The following SRRM4 variants were observed in gnomAD, a reference collection of about 807,000 sequenced individuals.
SRRM4 encodes serine/arginine repetitive matrix 4, also known as serine/arginine repetitive matrix protein 4.
SRRM4 carries 33 observed loss-of-function variants against 68.9 expected under a neutral mutation model. The ratio of observed to expected loss-of-function variants is 0.48; its 90% CI spans 0.36 to 0.64. The LOEUF is 0.64. SRRM4 is among the 30% of genes least tolerant of loss of function. The pLI is 0.00. For missense variants in SRRM4, 817 were observed against 827.1 expected (o/e 0.99, Z 0.15); for synonymous variants, 318 against 318.8 (o/e 1.00, Z 0.03).
chr12:118,992,581 G>T lies in SRRM4; in HGVS notation c.131+10568G>T, dbSNP rs150221638. 1.9e-3 allele frequency among the ~76,000 whole-genome samples: 292 copies of T among 152,348 alleles called. 2 individuals carry two copies. Among genetic ancestry groups the T allele is most frequent in the African/African-American group, 6.8e-3 (283 of 41,574 alleles). ...CCCAACCCACATCCGGAAGGGGCAG[G>T]TATCTGAGCAGTGGTGCAGGATTTA... On this transcript the variant is annotated intron_variant, in intron 1 of 12. Transcript: ENST00000267260.
intron 1 of SRRM4, among the ~76,000 whole-genome samples, chr12:118,998,709 T>C (rs572256786): frequency 6.6e-6 from 1 of 152,346 alleles, no homozygotes; most frequent in East Asian, 1.9e-4. Context: ...GCTATGATAA[T>C]TACTGTGAAA....
intron 1 of SRRM4, among the ~76,000 whole-genome samples, chr12:118,995,799 C>T (rs376622505): frequency 9.2e-5 from 14 of 152,222 alleles, no homozygotes; most frequent in South Asian, 4.1e-4. Flanking sequence ...TCCACCCATC[C>T]GTTTATCATG....
At position 119,007,733 on chromosome 12, in the gene SRRM4, C is replaced by T. The variant is rs552782765; in HGVS notation, c.131+25720C>T. 1.4e-4 allele frequency among the ~76,000 whole-genome samples: 22 copies of T among 152,274 alleles called. No homozygotes were observed. In the South Asian group the frequency reaches 3.9e-3, roughly 27 times the overall value. ...AATTTTGGTCTTGGGACTTGAAATA[C>T]GGTTCTCTTTTTTGGTTAGAGGGAG... On this transcript the variant is annotated intron_variant, in intron 1 of 12. Transcript: ENST00000267260.
In SRRM4 at chr12:119,145,700, C is replaced by G. The variant is rs1954397892; in HGVS notation, c.1076+15C>G. On this transcript the variant is annotated intron_variant, in intron 9 of 12. Coordinates refer to ENST00000267260, the MANE Select transcript of SRRM4 (RefSeq NM_194286.4). ...AGAGAGTCAAGGTCAGTGCACCACACAGGGTCGGGGGTAGACGGTCTCCCA... is the reference window on the plus strand; with the variant it reads ...AGAGAGTCAAGGTCAGTGCACCACAGAGGGTCGGGGGTAGACGGTCTCCCA... 1 of 1,501,378 alleles carries G rather than the reference C, an allele frequency of 6.7e-7. No individual in the cohort carries two copies. Among genetic ancestry groups the G allele is most frequent in the South Asian group, 1.4e-5 (1 of 72,760 alleles). The allele number at this position is 1,501,378 out of a possible 1,614,324, so 93.0% of individuals were successfully genotyped here.
intron 1 of SRRM4, among the ~76,000 whole-genome samples, chr12:118,993,539 G>C (rs1394417841): frequency 6.6e-6 from 1 of 152,172 alleles, no homozygotes; most frequent in Non-Finnish European, 1.5e-5. Flanking sequence ...TTATGGCAGG[G>C]ACCAGACTGA....
At chr12:119,059,754 G>A (rs2136020828) in intron 1 of SRRM4, among the ~76,000 whole-genome samples, 1 of 152,242 alleles carries the variant, frequency 6.6e-6, no homozygotes, top group South Asian at 2.1e-4. Flanking sequence ...TGCTACCCTG[G>A]CTCTTGACTA....
chr12:119,087,660 G>A (rs1953987651), intron 1 of SRRM4, among the ~76,000 whole-genome samples: 1 of 152,136 alleles, frequency 6.6e-6, no homozygotes, highest in Non-Finnish European at 1.5e-5. Flanking sequence ...CAGCAGCCTG[G>A]GAACTGGGCA....
At chr12:119,035,800 ACT>A (rs1454558650) in intron 1 of SRRM4, among the ~76,000 whole-genome samples, 2 of 151,840 alleles carry the variant, frequency 1.3e-5, no homozygotes. Flanking sequence ...GCTTGCAGTA[ACT>A]CTATATTGTT....
chr12:119,059,532 T>C (rs1443828951), intron 1 of SRRM4, among the ~76,000 whole-genome samples: 1 of 152,186 alleles, frequency 6.6e-6, no homozygotes, highest in Non-Finnish European at 1.5e-5. Flanking sequence ...CCCCACTATG[T>C]GCCAAGAGTG....
chr12:119,058,874 G>A (rs1028236708), intron 1 of SRRM4, among the ~76,000 whole-genome samples: 1 of 152,126 alleles, frequency 6.6e-6, no homozygotes, highest in Non-Finnish European at 1.5e-5. Context: ...AGCTATATTT[G>A]GTGTCTTCCA....
chr12:119,016,357 C>T (rs1471435250), intron 1 of SRRM4, among the ~76,000 whole-genome samples: 1 of 151,742 alleles, frequency 6.6e-6, no homozygotes, highest in African/African-American at 2.4e-5. Context: ...CATTCAGTAA[C>T]CACCTTTCAC....
At chr12:119,012,626 C>T (rs1046745298) in intron 1 of SRRM4, among the ~76,000 whole-genome samples, 62 of 152,264 alleles carry the variant, frequency 4.1e-4, no homozygotes, top group African/African-American at 1.4e-3. Context: ...CACTGAGTCC[C>T]GCTCTCTTTC....
intron 8 of SRRM4, among the ~76,000 whole-genome samples, chr12:119,131,653 G>T (rs1954298857): frequency 6.6e-6 from 1 of 152,206 alleles, no homozygotes; most frequent in Non-Finnish European, 1.5e-5. Context: ...TCCTAGCTGT[G>T]TGGCTTTGGG....
intron 1 of SRRM4, among the ~76,000 whole-genome samples, chr12:119,062,325 T>C (rs1021051042): frequency 6.6e-6 from 1 of 152,226 alleles, no homozygotes; most frequent in Non-Finnish European, 1.5e-5. Flanking sequence ...AGGACATTAC[T>C]GTACACTACT....
intron 8 of SRRM4, among the ~76,000 whole-genome samples, chr12:119,142,233 G>A (rs938232811): frequency 1.1e-4 from 16 of 152,224 alleles, no homozygotes; most frequent in Admixed American, 2.0e-4. Flanking sequence ...TTTTAAACAT[G>A]CAGGAGAGGT....
chr12:119,149,931 G>A (rs191348355), intron 9 of SRRM4, among the ~76,000 whole-genome samples: 2 of 152,252 alleles, frequency 1.3e-5, no homozygotes, highest in African/African-American at 4.8e-5. Flanking sequence ...CCCTAGGCAG[G>A]GTGGGAGTAC....
At chr12:119,058,266 T>A (rs1953789301) in intron 1 of SRRM4, among the ~76,000 whole-genome samples, 1 of 152,224 alleles carries the variant, frequency 6.6e-6, no homozygotes, top group Admixed American at 6.5e-5. Flanking sequence ...TAAGTATTAA[T>A]GAAGTCATTA....
intron 1 of SRRM4, among the ~76,000 whole-genome samples, chr12:119,059,147 A>G (rs984402534): frequency 5.3e-5 from 8 of 152,122 alleles, no homozygotes; most frequent in Non-Finnish European, 1.0e-4. Context: ...GTCTTGGATT[A>G]AGAAATATTG....
chr12:119,054,733 C>T (rs1953766325), intron 1 of SRRM4, among the ~76,000 whole-genome samples: 1 of 152,196 alleles, frequency 6.6e-6, no homozygotes, highest in Non-Finnish European at 1.5e-5. Flanking sequence ...GCAATGTCAT[C>T]CCTGTATTCA....
Sources: gnomAD v4.1 joint callset for allele counts (sites outside exome capture counted in the v4.1 genomes callset) on GRCh38, gnomAD v4.1.1 for gene constraint, MANE v1.5 for transcripts, NCBI Gene and HGNC (gene_info 2026-07-23, HGNC 2026-07-21) for gene names.